RYR2: variants seen among roughly 807,000 people sequenced by gnomAD.
RYR2 encodes the protein ryanodine receptor 2.
Under a neutral mutation model 601.1 loss-of-function variants are expected in RYR2, and 227 were observed. That is an observed-to-expected ratio of 0.38 (90% CI 0.34 to 0.42). The LOEUF (loss-of-function observed/expected upper bound fraction) is 0.42. Among genes scored for constraint, RYR2 ranks in the 10% least tolerant of loss-of-function variants. The pLI is 1.00. For synonymous variants in RYR2, 2,223 were observed against 2,175.1 expected (o/e 1.02, Z -0.61); for missense variants, 4,646 against 6,156.5 (o/e 0.75, Z 8.21).
chr1:237,384,725 A>G (rs1701828150), intron 8 of RYR2, among the ~76,000 whole-genome samples: 1 of 152,158 alleles, frequency 6.6e-6, no homozygotes, highest in Admixed American at 6.5e-5. Context: ...GACACAGGCC[A>G]AGTGATCCTA....
At chr1:237,204,853 A>T (rs1047805951) in intron 1 of RYR2, among the ~76,000 whole-genome samples, 9 of 152,200 alleles carry the variant, frequency 5.9e-5, no homozygotes, top group Non-Finnish European at 7.3e-5. Context: ...GGATGTGGTG[A>T]TGGAGAAAAC....
At chr1:237,668,106 A>G in intron 58 of RYR2, 148 bp downstream of exon 58, 3 of 596,726 alleles carry the variant, frequency 5.0e-6, no homozygotes, top group Non-Finnish European at 8.6e-6. Context: ...GAAGTTGGAA[A>G]TGCTGTAATT....
At chr1:237,406,487 T>C (rs1052023935) in intron 10 of RYR2, among the ~76,000 whole-genome samples, 6 of 151,894 alleles carry the variant, frequency 4.0e-5, no homozygotes, top group African/African-American at 1.2e-4. Context: ...TAGTTCTTCA[T>C]ATTATTTACT....
At position 237,595,654 on chromosome 1, in the gene RYR2, T is replaced by G; in HGVS notation, c.4593T>G (p.Tyr1531Ter). The G allele has an allele frequency of 6.2e-7, 1 of 1,611,128 alleles. No individual in the cohort carries two copies. Among genetic ancestry groups the G allele is most frequent in the Non-Finnish European group, 8.5e-7 (1 of 1,178,946 alleles). Reference protein sequence around the residue: ...IANGKELSTYYQVEPSTKLFP... With the variant: ...IANGKELSTY Reference sequence around the variant, plus strand: ...ATGGCAAGGAACTGAGCACATACTATCAGGTACGCGGTCAGTGATGATATC... The same window carrying G: ...ATGGCAAGGAACTGAGCACATACTAGCAGGTACGCGGTCAGTGATGATATC... Residue 1531 changes from tyrosine (Y) to a stop codon, truncating the protein, a stop_gained, in exon 34 of 105, where the codon TAT becomes TAG. Transcript: ENST00000366574. LOFTEE classifies it high-confidence loss of function.
intron 2 of RYR2, among the ~76,000 whole-genome samples, chr1:237,295,734 T>C (rs1036455843): frequency 6.6e-6 from 1 of 152,224 alleles, no homozygotes; most frequent in African/African-American, 2.4e-5. Flanking sequence ...GTGATAGCTT[T>C]CTATAAAAAG....
At chr1:237,754,282 CCTGT>C (rs1692767479) in intron 80 of RYR2, among the ~76,000 whole-genome samples, 1 of 151,740 alleles carries the variant, frequency 6.6e-6, no homozygotes, top group Non-Finnish European at 1.5e-5. Context: ...AGTCTGAGAT[CCTGT>C]CTATTTCTTG....
intron 3 of RYR2, among the ~76,000 whole-genome samples, chr1:237,351,799 A>G (rs1392744550): frequency 6.7e-6 from 1 of 149,062 alleles, no homozygotes; most frequent in Non-Finnish European, 1.5e-5. Flanking sequence ...AATACTTCCC[A>G]ACTGATTTTA....
chr1:237,515,646 C>T (rs1289541208), intron 24 of RYR2, among the ~76,000 whole-genome samples: 2 of 133,698 alleles, frequency 1.5e-5, no homozygotes, highest in African/African-American at 5.5e-5. Flanking sequence ...ATCACCCACC[C>T]CTTCCCTCCC....
chr1:237,064,213 T>G (rs970238161), intron 1 of RYR2, among the ~76,000 whole-genome samples: 1 of 152,166 alleles, frequency 6.6e-6, no homozygotes, highest in African/African-American at 2.4e-5. Flanking sequence ...TTCGGAGTAT[T>G]TCCCACTGAC....
intron 2 of RYR2, among the ~76,000 whole-genome samples, chr1:237,308,353 A>C (rs1289090723): frequency 2.6e-5 from 4 of 152,126 alleles, no homozygotes; most frequent in African/African-American, 9.7e-5. Flanking sequence ...GGAACGTCCT[A>C]CTCTGTCTAT....
At chr1:237,759,931 A>C in intron 83 of RYR2, 79 bp downstream of exon 83, 1 of 848,882 alleles carries the variant, frequency 1.2e-6, no homozygotes, top group Non-Finnish European at 2.0e-6. Flanking sequence ...CTCTGACGAT[A>C]ATTGCACATA....
rs139854630 is a variant in RYR2, at chr1:237,738,018, AAAAATTAGC to A, written c.11091+4264_11092-4268del. Among the ~76,000 whole-genome samples, 184 of 152,272 alleles carry A rather than the reference AAAAATTAGC, an allele frequency of 1.2e-3. 1 individual carries two copies. The highest frequency in any genetic ancestry group is 4.2e-3 in the African/African-American group (175 of 41,552). On this transcript the variant is annotated intron_variant, in intron 79 of 104. Transcript: ENST00000366574. ...TTTGGAAGCTGTCTTTCCTCATTTTAAAAATTAGCATCCCAGTTGTCTGGAACTTTCACT... is the reference window on the plus strand; with the variant it reads ...TTTGGAAGCTGTCTTTCCTCATTTTAATCCCAGTTGTCTGGAACTTTCACT...
At chr1:237,475,242 C>T (rs577386936) in intron 17 of RYR2, among the ~76,000 whole-genome samples, 1 of 152,232 alleles carries the variant, frequency 6.6e-6, no homozygotes, top group Admixed American at 6.5e-5. Flanking sequence ...CTTAATCACC[C>T]CACTGTGTTC....
At chr1:237,756,244 G>A (rs1202432775) in intron 80 of RYR2, 44 bp from the exon 81 acceptor site, 2 of 1,299,926 alleles carry the variant, frequency 1.5e-6, no homozygotes, top group African/African-American at 1.5e-5. Flanking sequence ...AATCTGTTGT[G>A]CTTACTGATA....
chr1:237,762,601 T>C (rs1693515129), intron 84 of RYR2, among the ~76,000 whole-genome samples: 1 of 152,222 alleles, frequency 6.6e-6, no homozygotes, highest in Non-Finnish European at 1.5e-5. Context: ...CTCAGCCTCC[T>C]TTCCTTCGTC....
chr1:237,221,803 C>A (rs1459769155), intron 1 of RYR2, among the ~76,000 whole-genome samples: 2 of 152,158 alleles, frequency 1.3e-5, no homozygotes, highest in East Asian at 1.9e-4. Context: ...ACACAGATTT[C>A]TTTTCCATGT....
chr1:237,595,990 C>T (rs1675856093), intron 34 of RYR2, among the ~76,000 whole-genome samples: 1 of 152,130 alleles, frequency 6.6e-6, no homozygotes, highest in Admixed American at 6.5e-5. Context: ...ACCGCATCCA[C>T]CCAGAACCAA....
At chr1:237,762,565 G>GAATA in intron 84 of RYR2, among the ~76,000 whole-genome samples, 1 of 152,300 alleles carries the variant, frequency 6.6e-6, no homozygotes, top group Middle Eastern at 3.4e-3. Flanking sequence ...CTCCCAAAAG[G>GAATA]AATAGCAGCC....
intron 1 of RYR2, among the ~76,000 whole-genome samples, chr1:237,059,090 G>A (rs1662534276): frequency 6.6e-6 from 1 of 152,028 alleles, no homozygotes; most frequent in South Asian, 2.1e-4. Context: ...TGGAATCAGC[G>A]ATTCCATAAA....
Sources: allele counts gnomAD v4.1 joint callset (sites outside exome capture counted in the v4.1 genomes callset), GRCh38; gene constraint gnomAD v4.1.1; transcripts MANE v1.5; gene names NCBI Gene and HGNC (gene_info 2026-07-23, HGNC 2026-07-21).